TIAM2: variants seen among roughly 807,000 people sequenced by gnomAD.
The protein encoded by TIAM2 is rho guanine nucleotide exchange factor TIAM2.
TIAM2 carries 80 observed loss-of-function variants against 152.9 expected under a neutral mutation model. The ratio of observed to expected loss-of-function variants is 0.52; its 90% CI spans 0.44 to 0.63. The LOEUF (loss-of-function observed/expected upper bound fraction) is 0.63. TIAM2 is among the 30% of genes least tolerant of loss of function. The probability of loss-of-function intolerance (pLI) is 0.00; values close to 1 mark genes in which losing one functional copy is unlikely to be tolerated. For synonymous variants in TIAM2, 804 were observed against 838.0 expected (o/e 0.96, Z 0.70); for missense variants, 1,965 against 2,120.1 (o/e 0.93, Z 1.44).
At position 155,029,497 on chromosome 6, in the gene TIAM2, T is replaced by G. The variant is rs1200749832; in HGVS notation, c.-209+34005T>G. 1.9e-3 allele frequency among the ~76,000 whole-genome samples: 46 copies of G among 24,452 alleles called. 1 individual carries two copies. The highest frequency in any genetic ancestry group is 2.9e-3 in the African/African-American group (16 of 5,598). 16.0% of individuals were successfully genotyped at this position (24,452 alleles called of 152,430 possible). Reference sequence around the variant, plus strand: ...TATAGTATATATACTATAGTATATATTATATATAATATATACTATATATTA... The same window carrying G: ...TATAGTATATATACTATAGTATATAGTATATATAATATATACTATATATTA... On this transcript the variant is annotated intron_variant, in intron 1 of 26. Coordinates refer to ENST00000682666, the MANE Select transcript of TIAM2 (RefSeq NM_012454.4).
rs555053900 is a variant in TIAM2 at position 155,194,290 on chromosome 6, G to T, written c.3064+10790G>T. On this transcript the variant is annotated intron_variant, in intron 14 of 26. Coordinates refer to ENST00000682666, the MANE Select transcript of TIAM2 (RefSeq NM_012454.4). ...AAGAGGAGAAGGTAGGGTGAGACAG[G>T]TGAGCAGGGCCAGGTGACAAAGGGT... Among the ~76,000 whole-genome samples, 39 of 152,190 alleles carry T rather than the reference G, an allele frequency of 2.6e-4. 1 individual carries two copies. Among genetic ancestry groups the T allele is most frequent in the Non-Finnish European group, 4.4e-4 (30 of 68,036 alleles).
At chr6:155,157,123 G>T (rs1489499067) in intron 7 of TIAM2, among the ~76,000 whole-genome samples, 2 of 152,206 alleles carry the variant, frequency 1.3e-5, no homozygotes, top group Non-Finnish European at 2.9e-5. Flanking sequence ...CCTTGCTTGA[G>T]TTAGTGAATG....
intron 20 of TIAM2, among the ~76,000 whole-genome samples, chr6:155,248,724 A>G (rs1783476459): frequency 6.6e-6 from 1 of 152,170 alleles, no homozygotes; most frequent in Non-Finnish European, 1.5e-5. Flanking sequence ...CTGAGACACA[A>G]TTTATCAAAA....
At chr6:155,090,722 A>G (rs567744954) in intron 2 of TIAM2, among the ~76,000 whole-genome samples, 5 of 152,114 alleles carry the variant, frequency 3.3e-5, no homozygotes, top group Non-Finnish European at 7.3e-5. Context: ...CCACATACTG[A>G]TAGAGCACAC....
At chr6:155,088,786 C>T (rs1778230103) in intron 1 of TIAM2, among the ~76,000 whole-genome samples, 1 of 152,198 alleles carries the variant, frequency 6.6e-6, no homozygotes, top group South Asian at 2.1e-4. Flanking sequence ...TTTCTTTAAA[C>T]ATTATTAGAC....
chr6:155,012,547 A>T (rs957517390), intron 1 of TIAM2, among the ~76,000 whole-genome samples: 1 of 152,116 alleles, frequency 6.6e-6, no homozygotes, highest in Non-Finnish European at 1.5e-5. Context: ...ATTTTTTAAA[A>T]TTTATTTTAT....
intron 16 of TIAM2, 58 bp downstream of exon 16, chr6:155,240,767 G>A: frequency 6.5e-7 from 1 of 1,541,958 alleles, no homozygotes; most frequent in Non-Finnish European, 8.8e-7. Flanking sequence ...CAAGTGGTAT[G>A]CTGGCAGAGG....
At chr6:155,163,827 A>G (rs917402794) in intron 7 of TIAM2, among the ~76,000 whole-genome samples, 2 of 152,226 alleles carry the variant, frequency 1.3e-5, no homozygotes, top group African/African-American at 4.8e-5. Flanking sequence ...TTAAGTCAGG[A>G]TGGTTTAGAG....
At chr6:155,251,459 G>C (rs1440968028) in intron 22 of TIAM2, among the ~76,000 whole-genome samples, 2 of 151,992 alleles carry the variant, frequency 1.3e-5, no homozygotes, top group Non-Finnish European at 2.9e-5. Flanking sequence ...GCTGATTTTT[G>C]TATTTTTAGT....
In TIAM2 at chr6:155,256,895, TG is replaced by T. The variant is rs1261069134; in HGVS notation, c.4882del (p.Val1628SerfsTer43). 1.2e-6 allele frequency: 2 copies of T among 1,614,008 alleles called. No individual in the cohort carries two copies. Among genetic ancestry groups the T allele is most frequent in the Non-Finnish European group, 1.7e-6 (2 of 1,180,020 alleles). ...CAGAAAGGAGGAGAGCAGCCCAAAC[TG>T]GTCCGGGGGCACTTCTGCCCCATTA... ...EGQKGGEQPK[L>X]VRGHFCPIKR... is the part of the protein sequence containing the mutation. On this transcript the variant is annotated frameshift_variant, in exon 27 of 27. Transcript: ENST00000682666. LOFTEE classifies it high-confidence loss of function.
intron 1 of TIAM2, among the ~76,000 whole-genome samples, chr6:155,079,658 T>TA (rs1282890026): frequency 5.9e-5 from 9 of 152,148 alleles, no homozygotes; most frequent in Admixed American, 5.9e-4. Flanking sequence ...AAAAAATTTC[T>TA]AATAGAGGCC....
Position 155,130,244 on chromosome 6 carries a change from G to C in TIAM2, c.1021G>C (p.Val341Leu). Residue 341 changes from valine to leucine, a missense_variant, in exon 4 of 27, where the codon GTG becomes CTG. Val to Leu is a conservative substitution (Grantham distance 32, BLOSUM62 1). Coordinates refer to ENST00000682666, the MANE Select transcript of TIAM2 (RefSeq NM_012454.4). ...TGTCTCTTTTGCTTCCGACATTGAT[G>C]TGCCCTCCAGAGTGGCACACGGGGA... is the stretch of plus-strand genomic sequence containing the variant. Reference protein sequence around the residue: ...NRVSFASDIDVPSRVAHGDPI... With the variant: ...NRVSFASDIDLPSRVAHGDPI... 6.2e-7 allele frequency: 1 copy of C among 1,614,114 alleles called. No individual in the cohort carries two copies. The highest frequency in any genetic ancestry group is 8.5e-7 in the Non-Finnish European group (1 of 1,180,032).
rs1271034644 is a variant in TIAM2, at chr6:155,028,874, CTA to C, written c.-209+33384_-209+33385del. Among the ~76,000 whole-genome samples the C allele has an allele frequency of 1.1e-4, 13 of 115,088 alleles. 1 individual carries two copies. Among genetic ancestry groups the C allele is most frequent in the East Asian group, 5.0e-4 (2 of 4,014 alleles). The allele number at this position is 115,088 out of a possible 152,430, so 75.5% of individuals were successfully genotyped here. On this transcript the variant is annotated intron_variant, in intron 1 of 26. Transcript: ENST00000682666. The stretch of plus-strand genomic sequence containing the variant: ...ATATACACTGTATATACTATCTATA[CTA>C]TGTTATATATACACTGTATATACTA...
At chr6:155,104,756 C>CAAAAA (rs55914919) in intron 2 of TIAM2, among the ~76,000 whole-genome samples, 19 of 134,148 alleles carry the variant, frequency 1.4e-4, no homozygotes, top group African/African-American at 3.6e-4. Context: ...GACTCTGTCT[C>CAAAAA]AAAAAAAAAA....
Position 155,226,486 on chromosome 6 carries a change from A to C in TIAM2, c.3169-14044A>C, listed in dbSNP as rs180822127. 9.6e-3 allele frequency among the ~76,000 whole-genome samples: 1,466 copies of C among 152,212 alleles called. 20 individuals carry two copies. Among genetic ancestry groups the C allele is most frequent in the Non-Finnish European group, 0.015 (1,029 of 67,998 alleles). On this transcript the variant is annotated intron_variant, in intron 15 of 26. Coordinates refer to ENST00000682666, the MANE Select transcript of TIAM2 (RefSeq NM_012454.4). ...GGAGTTTGAGACCAGCCTGACCAAC[A>C]TGGTGAAACCCCATCTCTACTAAAA...
intron 1 of TIAM2, among the ~76,000 whole-genome samples, chr6:155,057,777 C>T (rs1777489215): frequency 6.6e-6 from 1 of 151,870 alleles, no homozygotes; most frequent in Non-Finnish European, 1.5e-5. Context: ...AACCCCTGGC[C>T]TCAGGTGATC....
chr6:155,196,815 C>T (rs935456014), intron 14 of TIAM2, among the ~76,000 whole-genome samples: 1 of 152,100 alleles, frequency 6.6e-6, no homozygotes, highest in Non-Finnish European at 1.5e-5. Context: ...TTATTTCTGC[C>T]CTACCATACT....
Position 155,172,695 on chromosome 6 carries a change from T to A in TIAM2, c.2362-4121T>A, listed in dbSNP as rs4031536. On this transcript the variant is annotated intron_variant, in intron 9 of 26. Transcript: ENST00000682666. ...ATATATATATATATATATTTTTTTTTTTTTTTTTTTTTTTTTTCTTTGATG... is the reference window on the plus strand; with the variant it reads ...ATATATATATATATATATTTTTTTTATTTTTTTTTTTTTTTTTCTTTGATG... 6.9e-3 allele frequency among the ~76,000 whole-genome samples: 424 copies of A among 61,396 alleles called. 4 individuals carry two copies. Among genetic ancestry groups the A allele is most frequent in the African/African-American group, 0.035 (384 of 11,012 alleles). The allele number at this position is 61,396 out of a possible 152,430, so 40.3% of individuals were successfully genotyped here. A position where few individuals can be genotyped will look rare whatever the true frequency, so the allele number is the denominator to read the frequency against.
At chr6:155,158,975 T>TA (rs1400625564) in intron 7 of TIAM2, among the ~76,000 whole-genome samples, 1 of 152,166 alleles carries the variant, frequency 6.6e-6, no homozygotes, top group Non-Finnish European at 1.5e-5. Context: ...TGTGGTCAGG[T>TA]AATACATTAC....
Sources: gnomAD v4.1 joint callset for allele counts (sites outside exome capture counted in the v4.1 genomes callset) on GRCh38, gnomAD v4.1.1 for gene constraint, MANE v1.5 for transcripts, NCBI Gene and HGNC (gene_info 2026-07-23, HGNC 2026-07-21) for gene names.